CSMD1: variants seen among roughly 807,000 people sequenced by gnomAD.
CSMD1 encodes the protein CUB and Sushi multiple domains 1.
In CSMD1, 213 loss-of-function variants were observed where a neutral mutation model predicts 417.5. The ratio of observed to expected loss-of-function variants is 0.51; its 90% confidence interval spans 0.46 to 0.57. CSMD1 has a LOEUF of 0.57. Ranked by LOEUF, CSMD1 falls within the 20% of genes least tolerant of loss-of-function variation. CSMD1 has a pLI of 0.00. For synonymous variants in CSMD1, 2,862 were observed against 1,736.8 expected, an observed-to-expected ratio of 1.65 and a Z score of -16.11; for missense variants, 6,923 against 4,529.7, an observed-to-expected ratio of 1.53 and a Z score of -15.17.
At chr8:4,460,764 C>G (rs1481224083) in intron 2 of CSMD1, among the ~76,000 whole-genome samples, 2 of 152,030 alleles carry the variant, frequency 1.3e-5, no homozygotes, top group Non-Finnish European at 2.9e-5. Flanking sequence ...GAATAGACCT[C>G]AAGTAAAGGT....
At chr8:4,123,930 T>G (rs1358876688) in intron 3 of CSMD1, among the ~76,000 whole-genome samples, 1 of 152,178 alleles carries the variant, frequency 6.6e-6, no homozygotes, top group Admixed American at 6.5e-5. Context: ...AGAAGTTTCT[T>G]ATTTGTCAAT....
At chr8:4,378,380 A>G (rs562404008) in intron 3 of CSMD1, among the ~76,000 whole-genome samples, 24 of 152,306 alleles carry the variant, frequency 1.6e-4, no homozygotes, top group Middle Eastern at 3.4e-3. Context: ...AAATTAGCTC[A>G]CTCGTTTGCA....
At chr8:2,939,921 C>G (rs1355502677) in intron 69 of CSMD1, among the ~76,000 whole-genome samples, 3 of 152,218 alleles carry the variant, frequency 2.0e-5, no homozygotes, top group Non-Finnish European at 4.4e-5. Context: ...ACAGTCCCTT[C>G]ATGTGTAGGG....
rs533776650 is a variant in CSMD1 at position 3,736,342 on chromosome 8, G to C, written c.931+17588C>G. 2.0e-5 allele frequency among the ~76,000 whole-genome samples: 3 copies of C among 151,980 alleles called. No individual in the cohort carries two copies. In the South Asian group the frequency reaches 6.2e-4, roughly 32 times the overall value. On this transcript the variant is annotated intron_variant, in intron 6 of 69. Transcript: ENST00000635120. Reference sequence around the variant, plus strand: ...CTGCAGCCTCCACCTCCTGGGCTCAGGTGATTCTCCTACCTCAGCCTTCCA... The same window carrying C: ...CTGCAGCCTCCACCTCCTGGGCTCACGTGATTCTCCTACCTCAGCCTTCCA...
intron 25 of CSMD1, among the ~76,000 whole-genome samples, chr8:3,305,764 C>T (rs553719788): frequency 2.0e-5 from 3 of 152,288 alleles, no homozygotes; most frequent in Admixed American, 1.3e-4. Flanking sequence ...ACTGCAGGCT[C>T]CACCTCCTGG....
At chr8:3,459,853 T>C (rs11784979) in intron 12 of CSMD1, among the ~76,000 whole-genome samples, 38,520 of 151,676 alleles carry the variant, frequency 0.25, 5,994 homozygotes, top group South Asian at 0.36. Context: ...CTCAAACGTA[T>C]AAAAACTCAA....
intron 14 of CSMD1, among the ~76,000 whole-genome samples, chr8:3,407,619 A>G (rs1812435804): frequency 6.6e-6 from 1 of 152,176 alleles, no homozygotes; most frequent in African/African-American, 2.4e-5. Flanking sequence ...GGATGGATGG[A>G]TAAATGGAAA....
At chr8:3,101,639 A>G (rs1187323014) in intron 46 of CSMD1, among the ~76,000 whole-genome samples, 1 of 151,766 alleles carries the variant, frequency 6.6e-6, no homozygotes, top group Non-Finnish European at 1.5e-5. Context: ...GTTACCCAGG[A>G]TGGTCTCGAT....
intron 1 of CSMD1, among the ~76,000 whole-genome samples, chr8:4,690,960 C>G (rs1006532666): frequency 1.3e-5 from 2 of 152,174 alleles, no homozygotes; most frequent in Non-Finnish European, 2.9e-5. Context: ...CTCTCTTGAG[C>G]TCATGATCTG....
At chr8:4,810,147 A>G (rs1042114270) in intron 1 of CSMD1, among the ~76,000 whole-genome samples, 4 of 152,232 alleles carry the variant, frequency 2.6e-5, no homozygotes, top group Admixed American at 2.0e-4. Context: ...ACCATTTTAT[A>G]TAATTCTAAA....
intron 5 of CSMD1, among the ~76,000 whole-genome samples, chr8:3,892,799 G>C (rs1246150558): frequency 1.4e-5 from 2 of 143,736 alleles, no homozygotes; most frequent in African/African-American, 2.6e-5. Flanking sequence ...AGTCTTCTAC[G>C]TGAACTCAGG....
At chr8:3,898,845 G>C (rs910527630) in intron 5 of CSMD1, among the ~76,000 whole-genome samples, 1 of 152,062 alleles carries the variant, frequency 6.6e-6, no homozygotes, top group Non-Finnish European at 1.5e-5. Context: ...TGATTTCTCA[G>C]GACATAGCTG....
At chr8:3,073,916 AATG>A (rs1440136917) in intron 49 of CSMD1, among the ~76,000 whole-genome samples, 1 of 152,186 alleles carries the variant, frequency 6.6e-6, no homozygotes, top group African/African-American at 2.4e-5. Flanking sequence ...TGGCAATTAT[AATG>A]ATTTCTTTTT....
chr8:3,821,737 G>A (rs914281190), intron 5 of CSMD1, among the ~76,000 whole-genome samples: 6 of 152,102 alleles, frequency 3.9e-5, no homozygotes, highest in Non-Finnish European at 7.4e-5. Context: ...AGTTGAAATC[G>A]CACCACTGCA....
Position 3,190,104 on chromosome 8 carries a change from T to C in CSMD1, c.5206A>G (p.Thr1736Ala), listed in dbSNP as rs1282550084. 8 of 1,587,820 alleles carry C rather than the reference T, an allele frequency of 5.0e-6. No homozygotes were observed. Among genetic ancestry groups the C allele is most frequent in the Non-Finnish European group, 6.9e-6 (8 of 1,167,080 alleles). Reference protein sequence around the residue: ...FHFVYQAVPRTSDTQCSSVPE... With the variant: ...FHFVYQAVPRASDTQCSSVPE... ...ACAGAGCTGCATTGGGTGTCACTGG[T>C]ACGAGGAACAGCTAGAAGCAAAGTA... Residue 1736 changes from threonine to alanine, a missense_variant, in exon 34 of 70, where the codon ACC (threonine) becomes GCC (alanine). By Grantham distance (58) the Thr-to-Ala change is moderately conservative. Transcript: ENST00000635120.
intron 5 of CSMD1, among the ~76,000 whole-genome samples, chr8:3,992,007 A>C (rs903746732): frequency 6.6e-6 from 1 of 152,138 alleles, no homozygotes; most frequent in Admixed American, 6.6e-5. Flanking sequence ...AAAACATAGA[A>C]ATGGCATTTT....
At chr8:4,205,145 G>A (rs992506266) in intron 3 of CSMD1, among the ~76,000 whole-genome samples, 7 of 152,208 alleles carry the variant, frequency 4.6e-5, no homozygotes, top group African/African-American at 1.7e-4. Flanking sequence ...TCTGTTGAAT[G>A]AAATTGTTCT....
chr8:3,169,890 T>C (rs768560622), intron 37 of CSMD1, among the ~76,000 whole-genome samples: 64 of 152,306 alleles, frequency 4.2e-4, no homozygotes, highest in East Asian at 1.9e-4. Flanking sequence ...GATGTGAGAA[T>C]GGGCTGGCTC....
At chr8:3,552,857 A>G (rs1798977054) in intron 10 of CSMD1, among the ~76,000 whole-genome samples, 2 of 152,152 alleles carry the variant, frequency 1.3e-5, no homozygotes, top group East Asian at 3.8e-4. Flanking sequence ...TAAGTTATAA[A>G]AGATTTACTT....
Sources: allele counts gnomAD v4.1 joint callset (sites outside exome capture counted in the v4.1 genomes callset), GRCh38; gene constraint gnomAD v4.1.1; transcripts MANE v1.5; gene names NCBI Gene and HGNC (gene_info 2026-07-23, HGNC 2026-07-21).